The following GGT5 variants were observed in gnomAD, a reference collection of about 807,000 sequenced individuals.
GGT5 encodes the protein glutathione hydrolase 5 proenzyme.
In GGT5, 50 loss-of-function variants were observed where a neutral mutation model predicts 58.1. That is an observed-to-expected ratio of 0.86 (90% CI 0.69 to 1.09). The LOEUF (loss-of-function observed/expected upper bound fraction) is 1.09, where lower values mean the gene tolerates loss of function less well. GGT5 is among the 50% of genes least tolerant of loss of function. The probability of loss-of-function intolerance (pLI) is 0.00; values close to 1 mark genes in which losing one functional copy is unlikely to be tolerated. For synonymous variants in GGT5, 370 were observed against 346.1 expected (o/e 1.07, Z -0.77); for missense variants, 800 against 789.4 (o/e 1.01, Z -0.16).
chr22:24,240,461 A>G (rs2048297483), intron 1 of GGT5, among the ~76,000 whole-genome samples: 1 of 151,718 alleles, frequency 6.6e-6, no homozygotes, highest in African/African-American at 2.4e-5. Flanking sequence ...AAAATATATC[A>G]TGCATGCACT....
intron 1 of GGT5, among the ~76,000 whole-genome samples, chr22:24,236,744 C>T (rs1407802622): frequency 2.9e-5 from 4 of 136,154 alleles, no homozygotes; most frequent in African/African-American, 5.7e-5. Context: ...GCCTGGGCAA[C>T]GGAGAGAGAC....
intron 11 of GGT5, among the ~76,000 whole-genome samples, chr22:24,224,517 CA>C (rs575269473): frequency 0.12 from 16,674 of 136,412 alleles, 1,937 homozygotes; most frequent in African/African-American, 0.32. Context: ...GATGCTGTCT[CA>C]AAAAAAAAAA....
chr22:24,221,028 CA>C, intron 11 of GGT5, among the ~76,000 whole-genome samples: 1 of 146,468 alleles, frequency 6.8e-6, no homozygotes, highest in South Asian at 2.4e-4. Flanking sequence ...CCAGCCTGGG[CA>C]AAACAGCAAG....
Position 24,231,543 on chromosome 22 carries a change from G to A in GGT5, c.755-13C>T. On this transcript the variant is annotated splice_polypyrimidine_tract_variant and intron_variant, in intron 5 of 11. Coordinates refer to ENST00000327365, the MANE Select transcript of GGT5 (RefSeq NM_004121.5). ...GTCAGCTGGCTCCCTGGGATGAGAA[G>A]GAGAGGGCTCCATGAACAGATGGGA... is the stretch of plus-strand genomic sequence containing the variant. The A allele has an allele frequency of 2.5e-6, 4 of 1,586,056 alleles. No homozygotes were observed. Among genetic ancestry groups the A allele is most frequent in the Non-Finnish European group, 3.4e-6 (4 of 1,166,274 alleles).
chr22:24,231,505 CA>C lies in GGT5; in HGVS notation c.779del (p.Leu260ArgfsTer40). 1.9e-6 allele frequency: 3 copies of C among 1,589,712 alleles called. No individual in the cohort carries two copies. The highest frequency in any genetic ancestry group is 2.6e-6 in the Non-Finnish European group (3 of 1,168,050). On this transcript the variant is annotated frameshift_variant, in exon 6 of 12. Coordinates refer to ENST00000327365, the MANE Select transcript of GGT5 (RefSeq NM_004121.5). LOFTEE classifies it high-confidence loss of function. ...CCACCACCTCGGGCTGGAACTTGGC[CA>C]GGTCCTGCAGCGTCAGCTGGCTCCC... Reference protein sequence around the residue: ...KEGSQLTLQDLAKFQPEVVDA... With the variant: ...KEGSQLTLQDXAKFQPEVVDA...
rs746130555 is a variant in GGT5, at chr22:24,244,696, G to A, written c.30C>T (p.Ser10=). The A allele has an allele frequency of 6.2e-7, 1 of 1,612,248 alleles. No homozygotes were observed. Among genetic ancestry groups the A allele is most frequent in the South Asian group, 1.1e-5 (1 of 91,018 alleles). The change falls in exon 1 of 12, where the codon AGC becomes AGT. Residue 10 remains serine, a synonymous_variant. Transcript: ENST00000327365. Reference sequence around the variant, plus strand: ...CCAGCCCCAGACCCAGCAGGACTAGGCTGACCGTGGCCCCGTAGCCCCGGG... The same window carrying A: ...CCAGCCCCAGACCCAGCAGGACTAGACTGACCGTGGCCCCGTAGCCCCGGG... The part of the protein sequence containing the change: MARGYGATV[S]LVLLGLGLAL...
At chr22:24,226,802 C>A (rs770236622) in intron 6 of GGT5, 35 bp from the exon 7 acceptor site, 2 of 1,607,446 alleles carry the variant, frequency 1.2e-6, no homozygotes, top group Non-Finnish European at 1.7e-6. Flanking sequence ...TGGTTGGGGT[C>A]ACCCTATGTA....
Position 24,219,727 on chromosome 22 carries a change from GC to G in GGT5, c.*242del. 1.9e-6 allele frequency: 1 copy of G among 529,822 alleles called. No individual in the cohort carries two copies. The highest frequency in any genetic ancestry group is 3.2e-5 in the Admixed American group (1 of 30,796). 32.8% of individuals were successfully genotyped at this position (529,822 alleles called of 1,614,324 possible). A position where few individuals can be genotyped will look rare whatever the true frequency, so the allele number is the denominator to read the frequency against. ...CGAGAGGGTGGGAGAGTGGCCCCAG[GC>G]AAGAGGCCTGCGGAGGGATAGAGGG... On this transcript the variant is annotated 3_prime_UTR_variant, in exon 12 of 12. Coordinates refer to ENST00000327365, the MANE Select transcript of GGT5 (RefSeq NM_004121.5).
At chr22:24,220,284 C>T (rs2047551389) in intron 11 of GGT5, among the ~76,000 whole-genome samples, 168 bp from the exon 12 acceptor site, 1 of 152,140 alleles carries the variant, frequency 6.6e-6, no homozygotes, top group East Asian at 1.9e-4. Context: ...GGAAGAGATC[C>T]AAAGGCCCAT....
chr22:24,225,764 G>A (rs924850065), intron 8 of GGT5, 112 bp from the exon 9 acceptor site: 2 of 721,912 alleles, frequency 2.8e-6, no homozygotes, highest in Non-Finnish European at 4.9e-6. Flanking sequence ...CCCGAAGCAT[G>A]CTGAAGCCGC....
rs1306439159 is a variant in GGT5, at chr22:24,225,002, G to A, written c.1608C>T (p.Phe536=). The A allele has an allele frequency of 6.3e-7, 1 of 1,586,500 alleles. No individual in the cohort carries two copies. The highest frequency in any genetic ancestry group is 8.6e-7 in the Non-Finnish European group (1 of 1,164,566). Residue 536 remains phenylalanine (F), a synonymous_variant, in exon 11 of 12, where the codon TTC becomes TTT. Coordinates refer to ENST00000327365, the MANE Select transcript of GGT5 (RefSeq NM_004121.5). ...SKGCVEYEPN[F]SQEVQRGLQD... ...GCTCGGACCTCAGCCTCACCTGGCT[G>A]AAGTTGGGCTCGTACTCCACACAGC...
At chr22:24,229,857 A>G (rs2047887275) in intron 6 of GGT5, among the ~76,000 whole-genome samples, 1 of 151,738 alleles carries the variant, frequency 6.6e-6, no homozygotes, top group Non-Finnish European at 1.5e-5. Context: ...TCTCAAAAAA[A>G]AAAAGAAAAA....
rs978254151 is a variant in GGT5, at chr22:24,219,811, C to G, written c.*159G>C. ...GGGGGTTAGGGATGAGGCTCAGCCT[C>G]TCATCTGCCCAGCTGGTCCCCGCCA... On this transcript the variant is annotated 3_prime_UTR_variant, in exon 12 of 12. Transcript: ENST00000327365. 6 of 668,100 alleles carry G rather than the reference C, an allele frequency of 9.0e-6. No homozygotes were observed. The East Asian group carries it at 1.1e-4, about 12-fold the overall frequency. 41.4% of individuals were successfully genotyped at this position (668,100 alleles called of 1,614,324 possible).
chr22:24,220,030 C>G lies in GGT5; in HGVS notation c.1701G>C (p.Glu567Asp), dbSNP rs746386168. The G allele has an allele frequency of 7.4e-6, 12 of 1,614,158 alleles. No homozygotes were observed. In the Admixed American group the frequency reaches 1.2e-4, roughly 16 times the overall value. ...CCGAGACGGCGTACACACAGGCCCC[C>G]TCCTGGGACACAGCCTGGACCACGT... is the stretch of plus-strand genomic sequence containing the variant. Reference protein sequence around the residue: ...FLNVVQAVSQEGACVYAVSDL... With the variant: ...FLNVVQAVSQDGACVYAVSDL... The change falls in exon 12 of 12, where the codon GAG becomes GAC. Residue 567 changes from glutamate to aspartate, a missense_variant. Glu to Asp is a conservative substitution (Grantham distance 45). Transcript: ENST00000327365.
Position 24,232,973 on chromosome 22 carries a change from T to A in GGT5, c.446A>T (p.Glu149Val), listed in dbSNP as rs1335871422. 3.8e-6 allele frequency: 6 copies of A among 1,561,422 alleles called. No homozygotes were observed. Among genetic ancestry groups the A allele is most frequent in the Non-Finnish European group, 5.2e-6 (6 of 1,153,402 alleles). ...CAGGCGGCCATGGCGGCGGTGGGCC[T>A]CGGCATAGCCACGGAGCTCCCCGGG... ...GVPGELRGYA[E>V]AHRRHGRLPW... The change falls in exon 4 of 12, where the codon GAG becomes GTG. Residue 149 changes from glutamate to valine, a missense_variant. Glu to Val is a moderately radical substitution (Grantham distance 121). Transcript: ENST00000327365.
intron 1 of GGT5, among the ~76,000 whole-genome samples, chr22:24,238,867 TATATATA>T (rs2048219551): frequency 9.5e-5 from 1 of 10,564 alleles, no homozygotes; most frequent in Non-Finnish European, 1.4e-4. Flanking sequence ...ATATATATAA[TATATATA>T]ATATATATTA....
chr22:24,233,353 G>C (rs557715455), intron 3 of GGT5, 145 bp downstream of exon 3: 222 of 572,224 alleles, frequency 3.9e-4, no homozygotes, highest in Non-Finnish European at 5.8e-4. Flanking sequence ...CCTGCAGGTT[G>C]GGGCTGGGGG....
At chr22:24,230,830 G>T (rs1306146913) in intron 6 of GGT5, among the ~76,000 whole-genome samples, 1 of 152,114 alleles carries the variant, frequency 6.6e-6, no homozygotes, top group Non-Finnish European at 1.5e-5. Flanking sequence ...CTCCCCTGGA[G>T]CCCCCAATGG....
chr22:24,225,159 A>G (rs1003134270), intron 10 of GGT5, 53 bp from the exon 11 acceptor site: 54 of 1,575,292 alleles, frequency 3.4e-5, no homozygotes, highest in Admixed American at 5.0e-5. Flanking sequence ...GCTACCCTAC[A>G]TCAGCCCTCA....
Sources: gnomAD v4.1 joint callset for allele counts (sites outside exome capture counted in the v4.1 genomes callset) on GRCh38, gnomAD v4.1.1 for gene constraint, MANE v1.5 for transcripts, NCBI Gene and HGNC (gene_info 2026-07-23, HGNC 2026-07-21) for gene names.